COL11A1: variants seen among roughly 807,000 people sequenced by gnomAD.
The protein encoded by COL11A1 is collagen alpha-1(XI) chain.
COL11A1 carries 74 observed loss-of-function variants against 265.2 expected under a neutral mutation model. The observed-to-expected ratio is 0.28, with a 90% CI of 0.23 to 0.34. COL11A1 has a LOEUF of 0.34. Among genes scored for constraint, COL11A1 ranks in the 10% least tolerant of loss-of-function variants. COL11A1 has a pLI of 1.00. For missense variants in COL11A1, 2,165 were observed against 2,263.6 expected, an observed-to-expected ratio of 0.96 and a Z score of 0.88; for synonymous variants, 816 against 727.6, an observed-to-expected ratio of 1.12 and a Z score of -1.96.
At position 102,886,851 on chromosome 1, in the gene COL11A1, C is replaced by T. The variant is rs371100196; in HGVS notation, c.4814G>A (p.Arg1605Gln). 28 of 1,613,726 alleles carry T rather than the reference C, an allele frequency of 1.7e-5. No individual in the cohort carries two copies. Among genetic ancestry groups the T allele is most frequent in the South Asian group, 2.2e-5 (2 of 91,082 alleles). The change falls in exon 63 of 67, where the codon CGA becomes CAA. Residue 1605 changes from arginine to glutamine, a missense_variant. By Grantham distance (43) the Arg-to-Gln change is conservative. Coordinates refer to ENST00000370096, the MANE Select transcript of COL11A1 (RefSeq NM_001854.4). ...GCTGAGTTGCAGGTCTTTACAAGTTCGGGCTGGATTGGTCTGAGTACCCAT... is the reference window on the plus strand; with the variant it reads ...GCTGAGTTGCAGGTCTTTACAAGTTTGGGCTGGATTGGTCTGAGTACCCAT... Reference protein sequence around the residue: ...FPMGTQTNPARTCKDLQLSHP... With the variant: ...FPMGTQTNPAQTCKDLQLSHP...
intron 38 of COL11A1, among the ~76,000 whole-genome samples, chr1:102,963,993 G>C (rs1661163784): frequency 1.3e-5 from 2 of 152,202 alleles, no homozygotes; most frequent in Middle Eastern, 3.4e-3. Flanking sequence ...TTTAAAATAG[G>C]CTGTTGGTTT....
At chr1:102,988,937 T>C (rs1329547120) in intron 29 of COL11A1, among the ~76,000 whole-genome samples, 1 of 152,154 alleles carries the variant, frequency 6.6e-6, no homozygotes, top group Non-Finnish European at 1.5e-5. Flanking sequence ...ATAGAATGCT[T>C]CTTTATTCAG....
intron 38 of COL11A1, 112 bp downstream of exon 38, chr1:102,965,375 A>G (rs1322169728): frequency 9.1e-7 from 1 of 1,093,788 alleles, no homozygotes; most frequent in Non-Finnish European, 1.4e-6. Context: ...TCTGAAATAA[A>G]AAATACATCA....
intron 54 of COL11A1, among the ~76,000 whole-genome samples, chr1:102,905,662 G>C (rs1653893021): frequency 6.6e-6 from 1 of 151,862 alleles, no homozygotes; most frequent in Admixed American, 6.6e-5. Context: ...TATACATGAA[G>C]TTGTCATGAG....
At chr1:103,102,712 T>C (rs997811788) in intron 1 of COL11A1, among the ~76,000 whole-genome samples, 1 of 151,976 alleles carries the variant, frequency 6.6e-6, no homozygotes, top group African/African-American at 2.4e-5. Context: ...ATGATGGAGA[T>C]ATCTCAGCAT....
intron 2 of COL11A1, among the ~76,000 whole-genome samples, chr1:103,081,924 C>A (rs893990396): frequency 2.0e-5 from 3 of 151,920 alleles, no homozygotes; most frequent in Non-Finnish European, 4.4e-5. Context: ...AATTCAGTTT[C>A]CTCCTCTGTT....
chr1:102,996,119 C>A, intron 26 of COL11A1, 77 bp from the exon 27 acceptor site: 4 of 1,430,640 alleles, frequency 2.8e-6, no homozygotes, highest in Non-Finnish European at 2.9e-6. Context: ...ATTTTACCAA[C>A]TAATCTACAA....
chr1:102,934,263 T>A (rs1350706725), intron 46 of COL11A1, among the ~76,000 whole-genome samples, 186 bp downstream of exon 46: 1 of 152,182 alleles, frequency 6.6e-6, no homozygotes, highest in Non-Finnish European at 1.5e-5. Flanking sequence ...GGAGAATTAA[T>A]CATACATGAT....
At chr1:103,049,394 C>A (rs911405736) in intron 4 of COL11A1, among the ~76,000 whole-genome samples, 2 of 152,156 alleles carry the variant, frequency 1.3e-5, no homozygotes, top group Non-Finnish European at 2.9e-5. Context: ...GGTTTAAAGT[C>A]TGTTTTATCA....
At chr1:103,034,174 T>C (rs1031163016) in intron 4 of COL11A1, among the ~76,000 whole-genome samples, 2 of 152,116 alleles carry the variant, frequency 1.3e-5, no homozygotes, top group Admixed American at 6.6e-5. Flanking sequence ...ATGATGTATC[T>C]GGATGTAGAT....
chr1:103,065,775 GA>G (rs1468555120), intron 4 of COL11A1, among the ~76,000 whole-genome samples: 1 of 151,226 alleles, frequency 6.6e-6, no homozygotes, highest in Non-Finnish European at 1.5e-5. Context: ...TAAATTTGTT[GA>G]AAAATATTCA....
intron 4 of COL11A1, among the ~76,000 whole-genome samples, chr1:103,039,514 CACAA>C (rs1206611486): frequency 6.6e-6 from 1 of 151,518 alleles, no homozygotes; most frequent in East Asian, 2.0e-4. Context: ...AGGAGTAAGA[CACAA>C]ACACACACAG....
intron 4 of COL11A1, among the ~76,000 whole-genome samples, chr1:103,071,013 C>A (rs1671542041): frequency 6.6e-6 from 1 of 151,796 alleles, no homozygotes; most frequent in Non-Finnish European, 1.5e-5. Flanking sequence ...GTACAGTTAT[C>A]AAATAGCATA....
rs61817084 is a variant in COL11A1, at chr1:103,075,082, T to C, written c.489-302A>G. Among the ~76,000 whole-genome samples, 20,925 of 152,092 alleles carry C rather than the reference T, an allele frequency of 0.14. 1,591 individuals are homozygous for C. The highest frequency in any genetic ancestry group is 0.16 in the Non-Finnish European group (10,816 of 67,952). On this transcript the variant is annotated intron_variant, in intron 3 of 66. Transcript: ENST00000370096. ...TGTAGTAACAAAAGCTTAATCTCAC[T>C]GTGTCCTGATGAAGGTATTTGATAG...
In COL11A1 at chr1:103,005,900, CCATCATCATCAT is replaced by C. The variant is rs71752747; in HGVS notation, c.1792-21_1792-10del. 148 of 1,518,576 alleles carry C rather than the reference CCATCATCATCAT, an allele frequency of 9.7e-5. No individual in the cohort carries two copies. The highest frequency in any genetic ancestry group is 1.3e-4 in the Non-Finnish European group (144 of 1,105,276). The allele number at this position is 1,518,576 out of a possible 1,614,324, so 94.1% of individuals were successfully genotyped here. On this transcript the variant is annotated splice_polypyrimidine_tract_variant and intron_variant, in intron 17 of 66. Transcript: ENST00000370096. ...TCAAACCCTCGATCTCCCTGTAAAA[CCATCATCATCAT>C]CATCATCATCATCATCATCACAATT...
intron 11 of COL11A1, among the ~76,000 whole-genome samples, chr1:103,017,449 C>T (rs1348017754): frequency 1.3e-5 from 2 of 151,948 alleles, no homozygotes; most frequent in East Asian, 1.9e-4. Flanking sequence ...GTTTGATCCT[C>T]AAAGTAGAAT....
At chr1:102,878,819 AAAT>A (rs1214021172) in intron 66 of COL11A1, among the ~76,000 whole-genome samples, 2 of 152,028 alleles carry the variant, frequency 1.3e-5, no homozygotes, top group Non-Finnish European at 2.9e-5. Context: ...CCTCCAGTAT[AAAT>A]AATACATCTT....
At chr1:103,009,664 C>T (rs571140092) in intron 14 of COL11A1, among the ~76,000 whole-genome samples, 3 of 152,210 alleles carry the variant, frequency 2.0e-5, no homozygotes, top group Admixed American at 2.0e-4. Context: ...CATACACATT[C>T]CATTAAATAC....
intron 4 of COL11A1, among the ~76,000 whole-genome samples, chr1:103,060,553 T>C (rs548744594): frequency 4.5e-4 from 69 of 152,300 alleles, no homozygotes; most frequent in South Asian, 1.2e-3. Context: ...ATGATTGCAA[T>C]GACAGAAAAG....
Sources: allele counts gnomAD v4.1 joint callset (sites outside exome capture counted in the v4.1 genomes callset), GRCh38; gene constraint gnomAD v4.1.1; transcripts MANE v1.5; gene names NCBI Gene and HGNC (gene_info 2026-07-23, HGNC 2026-07-21).